The following SERINC5 variants were observed in gnomAD, a reference collection of about 807,000 sequenced individuals.
The protein encoded by SERINC5 is serine incorporator 5.
In SERINC5, 41 loss-of-function variants were observed where a neutral mutation model predicts 63.1. That is an observed-to-expected ratio of 0.65 (90% CI 0.51 to 0.84). SERINC5 has a LOEUF of 0.84. Among genes scored for constraint, SERINC5 ranks in the 40% least tolerant of loss-of-function variants. SERINC5 has a pLI of 0.00. For synonymous variants in SERINC5, 222 were observed against 215.2 expected, an observed-to-expected ratio of 1.03 and a Z score of -0.28; for missense variants, 523 against 573.0, an observed-to-expected ratio of 0.91 and a Z score of 0.89.
downstream of SERINC5, among the ~76,000 whole-genome samples, chr5:80,137,404 G>A (rs2112271892): frequency 6.6e-6 from 1 of 152,112 alleles, no homozygotes; most frequent in African/African-American, 2.4e-5. Flanking sequence ...ACTTTGGGAG[G>A]CCAAGACAGG....
At chr5:80,190,830 A>C (rs1261705693) in intron 2 of SERINC5, among the ~76,000 whole-genome samples, 1 of 152,192 alleles carries the variant, frequency 6.6e-6, no homozygotes, top group Non-Finnish European at 1.5e-5. Context: ...AGTACATGGC[A>C]GACATTTAAG....
Position 80,139,559 on chromosome 5 carries a change from T to C in SERINC5, c.*4104A>G. 3.1e-6 allele frequency: 3 copies of C among 981,048 alleles called. No individual in the cohort carries two copies. Among genetic ancestry groups the C allele is most frequent in the Non-Finnish European group, 3.6e-6 (3 of 829,722 alleles). 60.8% of individuals were successfully genotyped at this position (981,048 alleles called of 1,614,324 possible). A position where few individuals can be genotyped will look rare whatever the true frequency, so the allele number is the denominator to read the frequency against. On this transcript the variant is annotated 3_prime_UTR_variant, in exon 12 of 12. Coordinates refer to ENST00000507668, the MANE Select transcript of SERINC5 (RefSeq NM_001174072.3). ...GGCCAAATATTTCAACCTTTCAAAA[T>C]GACTGCCTCTGTGAAAGAGTTGTTG...
chr5:80,242,484 T>C (rs974460784), intron 1 of SERINC5, among the ~76,000 whole-genome samples: 6 of 120,578 alleles, frequency 5.0e-5, no homozygotes, highest in Non-Finnish European at 3.4e-5. Flanking sequence ...CCAGGCGCAG[T>C]GGCTCACGCC....
chr5:80,203,920 G>C (rs1750017283), intron 1 of SERINC5, among the ~76,000 whole-genome samples: 4 of 152,120 alleles, frequency 2.6e-5, no homozygotes, highest in Admixed American at 2.6e-4. Context: ...ACTGAAGACT[G>C]AGCTAATTAC....
intron 8 of SERINC5, among the ~76,000 whole-genome samples, chr5:80,155,078 G>A (rs967463411): frequency 6.6e-6 from 1 of 152,198 alleles, no homozygotes; most frequent in African/African-American, 2.4e-5. Context: ...TTCCTTACAT[G>A]TACAATGAGG....
At chr5:80,135,873 A>C (rs189950638), downstream of SERINC5, among the ~76,000 whole-genome samples, 3 of 151,666 alleles carry the variant, frequency 2.0e-5, no homozygotes, top group East Asian at 5.8e-4. Context: ...ATGTGGGAAG[A>C]AGCAGAGGGA....
chr5:80,146,243 C>T lies in SERINC5; in HGVS notation c.1094-9G>A, dbSNP rs188853949. ...CTGCTGCTCTTCAGTGTCTGTGAAG[C>T]ACAGAGGGAGCCCAGGCTCAATGAG... On this transcript the variant is annotated splice_polypyrimidine_tract_variant and intron_variant, in intron 10 of 11. Transcript: ENST00000507668. 5 of 1,613,846 alleles carry T rather than the reference C, an allele frequency of 3.1e-6. No homozygotes were observed. In the East Asian group the frequency reaches 6.7e-5, roughly 22 times the overall value.
At chr5:80,129,273 G>A (rs941686104) in intron 11 of SERINC5, 1 of 152,098 alleles carries the variant, frequency 6.6e-6, no homozygotes, top group Admixed American at 6.5e-5. Context: ...GCATAACTTG[G>A]ATAGCACTGT....
At chr5:80,171,982 AT>A (rs1747698708) in intron 5 of SERINC5, among the ~76,000 whole-genome samples, 1 of 152,220 alleles carries the variant, frequency 6.6e-6, no homozygotes, top group South Asian at 2.1e-4. Flanking sequence ...TATATAACAT[AT>A]ATGTATCAAA....
intron 1 of SERINC5, among the ~76,000 whole-genome samples, chr5:80,218,408 C>T (rs1750762365): frequency 6.6e-6 from 1 of 152,116 alleles, no homozygotes; most frequent in Non-Finnish European, 1.5e-5. Flanking sequence ...GGCATGATGG[C>T]ACATGCCCGT....
intron 1 of SERINC5, among the ~76,000 whole-genome samples, chr5:80,250,669 A>G (rs1752370760): frequency 6.6e-6 from 1 of 152,204 alleles, no homozygotes; most frequent in Non-Finnish European, 1.5e-5. Context: ...TATTTTTTAA[A>G]TAAGTCTTCT....
chr5:80,174,818 T>G, intron 5 of SERINC5, 136 bp downstream of exon 5: 4 of 557,488 alleles, frequency 7.2e-6, no homozygotes, highest in Non-Finnish European at 1.3e-5. Context: ...AGGAGAGGAG[T>G]AAATGAAGAG....
downstream of SERINC5, among the ~76,000 whole-genome samples, chr5:80,135,886 A>T (rs913423876): frequency 2.1e-5 from 3 of 143,146 alleles, no homozygotes; most frequent in African/African-American, 8.0e-5. Context: ...CAGAGGGAAG[A>T]AAAAAAAAAA....
intron 11 of SERINC5, among the ~76,000 whole-genome samples, chr5:80,129,720 A>G (rs891992435): frequency 6.6e-6 from 1 of 152,242 alleles, no homozygotes; most frequent in Non-Finnish European, 1.5e-5. Context: ...AGATGTTCTA[A>G]GTGAATTTAA....
intron 2 of SERINC5, among the ~76,000 whole-genome samples, chr5:80,184,352 A>G (rs1268477822): frequency 6.6e-6 from 1 of 152,150 alleles, no homozygotes; most frequent in African/African-American, 2.4e-5. Context: ...TTTCACCTTT[A>G]GACCTTCTCT....
At chr5:80,143,960 A>G (rs1277948768) in intron 11 of SERINC5, 150 bp from the exon 12 acceptor site, 17 of 931,848 alleles carry the variant, frequency 1.8e-5, no homozygotes, top group Non-Finnish European at 2.5e-5. Context: ...CCATTTCCAA[A>G]CATTCTCATC....
At chr5:80,145,352 A>T (rs894973559) in intron 11 of SERINC5, among the ~76,000 whole-genome samples, 4 of 151,652 alleles carry the variant, frequency 2.6e-5, no homozygotes, top group Non-Finnish European at 5.9e-5. Flanking sequence ...AAAAACAAAA[A>T]AAAACTACAG....
downstream of SERINC5, among the ~76,000 whole-genome samples, chr5:80,134,033 T>C (rs934935007): frequency 6.6e-6 from 1 of 152,140 alleles, no homozygotes; most frequent in Non-Finnish European, 1.5e-5. Flanking sequence ...GGAGGAGCAA[T>C]TTGGAGGGGT....
At chr5:80,221,684 G>C (rs1468100136) in intron 1 of SERINC5, among the ~76,000 whole-genome samples, 3 of 149,166 alleles carry the variant, frequency 2.0e-5, no homozygotes, top group African/African-American at 7.4e-5. Context: ...TCAAAGAGTA[G>C]AAAAAAAGTA....
Sources: gnomAD v4.1 joint callset for allele counts (sites outside exome capture counted in the v4.1 genomes callset) on GRCh38, gnomAD v4.1.1 for gene constraint, MANE v1.5 for transcripts, NCBI Gene and HGNC (gene_info 2026-07-23, HGNC 2026-07-21) for gene names.